ZFPM2: variants seen among roughly 807,000 people sequenced by gnomAD.
ZFPM2 encodes zinc finger protein, FOG family member 2.
In ZFPM2, 20 loss-of-function variants were observed where a neutral mutation model predicts 98.6. The observed-to-expected ratio is 0.20, with a 90% CI of 0.14 to 0.29. ZFPM2 has a LOEUF of 0.29. ZFPM2 is among the 10% of genes least tolerant of loss of function. The pLI, the probability that ZFPM2 is intolerant of heterozygous loss-of-function variation, is 1.00. For missense variants in ZFPM2, 1,310 were observed against 1,388.6 expected (o/e 0.94, Z 0.90); for synonymous variants, 518 against 502.7 (o/e 1.03, Z -0.41).
intron 1 of ZFPM2, among the ~76,000 whole-genome samples, chr8:105,388,694 A>C (rs752584024): frequency 3.2e-4 from 49 of 152,158 alleles, no homozygotes; most frequent in Admixed American, 3.3e-4. Context: ...AGGATGGAGG[A>C]AGAACAGTTG....
At chr8:105,464,003 T>A (rs543200040) in intron 3 of ZFPM2, among the ~76,000 whole-genome samples, 1 of 152,216 alleles carries the variant, frequency 6.6e-6, no homozygotes, top group Non-Finnish European at 1.5e-5. Context: ...CTGTCTTCTC[T>A]GTTCCCTTTG....
chr8:105,679,653 C>T (rs1262818500), intron 5 of ZFPM2, among the ~76,000 whole-genome samples: 2 of 151,596 alleles, frequency 1.3e-5, no homozygotes, highest in African/African-American at 2.4e-5. Context: ...CAAAATTAGC[C>T]GAGGGTAGTG....
At chr8:105,781,458 C>T (rs1563560855) in intron 5 of ZFPM2, among the ~76,000 whole-genome samples, 1 of 152,062 alleles carries the variant, frequency 6.6e-6, no homozygotes, top group Non-Finnish European at 1.5e-5. Flanking sequence ...TGGTGGCTCA[C>T]ACCTGTAATC....
chr8:105,550,215 C>T (rs951811351), intron 3 of ZFPM2, among the ~76,000 whole-genome samples: 3 of 152,098 alleles, frequency 2.0e-5, no homozygotes, highest in African/African-American at 7.2e-5. Flanking sequence ...ACCACCTTAC[C>T]TCCTTCAAAA....
chr8:105,404,216 C>T (rs913726973), intron 1 of ZFPM2, among the ~76,000 whole-genome samples: 2 of 152,064 alleles, frequency 1.3e-5, no homozygotes, highest in African/African-American at 4.8e-5. Flanking sequence ...TTTCTTCAGC[C>T]AGTTCCAGGA....
At chr8:105,434,681 T>C (rs1029140436) in intron 2 of ZFPM2, among the ~76,000 whole-genome samples, 57 of 152,224 alleles carry the variant, frequency 3.7e-4, no homozygotes, top group Admixed American at 1.2e-3. Context: ...AAAAATACTT[T>C]GATGATTTAG....
intron 1 of ZFPM2, among the ~76,000 whole-genome samples, chr8:105,415,479 G>T (rs546553179): frequency 6.6e-6 from 1 of 152,140 alleles, no homozygotes; most frequent in African/African-American, 2.4e-5. Context: ...ATGGAGCTCG[G>T]TCGTGAGCCT....
At chr8:105,517,369 T>G (rs1813946348) in intron 3 of ZFPM2, among the ~76,000 whole-genome samples, 1 of 152,204 alleles carries the variant, frequency 6.6e-6, no homozygotes. Context: ...ATAAAAATTC[T>G]TTAAAGTTAT....
intron 2 of ZFPM2, among the ~76,000 whole-genome samples, chr8:105,426,774 C>G (rs993028775): frequency 7.0e-6 from 1 of 143,724 alleles, no homozygotes; most frequent in Non-Finnish European, 1.5e-5. Flanking sequence ...GGTGAAATCC[C>G]ATCTCTAAAA....
At chr8:105,510,134 C>CCCTTTAT (rs2130503968) in intron 3 of ZFPM2, among the ~76,000 whole-genome samples, 1 of 152,232 alleles carries the variant, frequency 6.6e-6, no homozygotes, top group Non-Finnish European at 1.5e-5. Flanking sequence ...GCTGTTCATA[C>CCCTTTAT]CCTTTATGTG....
At chr8:105,436,578 A>T (rs958565676) in intron 2 of ZFPM2, among the ~76,000 whole-genome samples, 2 of 152,146 alleles carry the variant, frequency 1.3e-5, no homozygotes, top group African/African-American at 4.8e-5. Context: ...ATAAGGATAA[A>T]GCAGCTGTCA....
intron 4 of ZFPM2, among the ~76,000 whole-genome samples, chr8:105,587,888 T>C (rs183827237): frequency 5.9e-5 from 9 of 152,186 alleles, no homozygotes; most frequent in Admixed American, 5.9e-4. Context: ...CAAAAATGTT[T>C]CCAGACATTT....
At chr8:105,607,479 T>C (rs1816219853) in intron 4 of ZFPM2, among the ~76,000 whole-genome samples, 1 of 152,094 alleles carries the variant, frequency 6.6e-6, no homozygotes, top group South Asian at 2.1e-4. Context: ...TCCCAATTAA[T>C]GAGTTATGTT....
At chr8:105,515,796 G>C (rs1159147139) in intron 3 of ZFPM2, among the ~76,000 whole-genome samples, 1 of 151,888 alleles carries the variant, frequency 6.6e-6, no homozygotes, top group Non-Finnish European at 1.5e-5. Flanking sequence ...GAGTAGGGGA[G>C]CTCTTCTCTC....
At chr8:105,503,692 TA>T (rs1295622464) in intron 3 of ZFPM2, among the ~76,000 whole-genome samples, 1 of 152,204 alleles carries the variant, frequency 6.6e-6, no homozygotes, top group African/African-American at 2.4e-5. Context: ...GAGAAAATAA[TA>T]AACACTATTA....
At chr8:105,507,892 T>G (rs927839143) in intron 3 of ZFPM2, among the ~76,000 whole-genome samples, 3 of 152,190 alleles carry the variant, frequency 2.0e-5, no homozygotes, top group Non-Finnish European at 4.4e-5. Context: ...TAGGTTAGGC[T>G]GATGGCAGTC....
intron 3 of ZFPM2, among the ~76,000 whole-genome samples, chr8:105,476,626 A>G (rs1813017425): frequency 6.6e-6 from 1 of 152,124 alleles, no homozygotes; most frequent in African/African-American, 2.4e-5. Context: ...AATGGAAGTG[A>G]TGTGGGATGA....
intron 6 of ZFPM2, among the ~76,000 whole-genome samples, chr8:105,794,077 C>G (rs185868063): frequency 6.6e-6 from 1 of 152,202 alleles, no homozygotes; most frequent in Non-Finnish European, 1.5e-5. Flanking sequence ...CTCAACTCGT[C>G]GAAGTCCTTC....
At position 105,537,995 on chromosome 8, in the gene ZFPM2, G is replaced by A. The variant is rs1814492804; in HGVS notation, c.302-23368G>A. On this transcript the variant is annotated intron_variant, in intron 3 of 7. Coordinates refer to ENST00000407775, the MANE Select transcript of ZFPM2 (RefSeq NM_012082.4). Reference sequence around the variant, plus strand: ...TCCGCCTACCTCAGCCTCCCAAAGTGTATAATATCTTTTTTACAGGCTCCA... The same window carrying A: ...TCCGCCTACCTCAGCCTCCCAAAGTATATAATATCTTTTTTACAGGCTCCA... Among the ~76,000 whole-genome samples, 3 of 152,198 alleles carry A rather than the reference G, an allele frequency of 2.0e-5. No homozygotes were observed. In the South Asian group the frequency reaches 6.2e-4, roughly 32 times the overall value.
Sources: allele counts gnomAD v4.1 joint callset (sites outside exome capture counted in the v4.1 genomes callset), GRCh38; gene constraint gnomAD v4.1.1; transcripts MANE v1.5; gene names NCBI Gene and HGNC (gene_info 2026-07-23, HGNC 2026-07-21).